AARS1: variants seen among roughly 807,000 people sequenced by gnomAD.
AARS1 encodes the protein alanyl-tRNA synthetase 1, also known as alanine--tRNA ligase, cytoplasmic.
Under a neutral mutation model 108.9 loss-of-function variants are expected in AARS1, and 72 were observed. That is an observed-to-expected ratio of 0.66 (90% CI 0.55 to 0.80). AARS1 has a LOEUF of 0.80. Ranked by LOEUF, AARS1 falls within the 30% of genes least tolerant of loss-of-function variation. The probability of loss-of-function intolerance (pLI) is 0.00; values close to 1 mark genes in which losing one functional copy is unlikely to be tolerated. For synonymous variants in AARS1, 489 were observed against 465.7 expected (o/e 1.05, Z -0.64); for missense variants, 1,193 against 1,233.2 (o/e 0.97, Z 0.49).
intron 19 of AARS1, 34 bp from the exon 20 acceptor site, chr16:70,253,415 G>A (rs1322731911): frequency 3.9e-6 from 6 of 1,526,388 alleles, no homozygotes; most frequent in South Asian, 1.1e-5. Flanking sequence ...CCACGGTGCT[G>A]GAGCAGGGAC....
At position 70,270,331 on chromosome 16, in the gene AARS1, A is replaced by C. The variant is rs1288874099; in HGVS notation, c.681T>G (p.Asp227Glu). 6.2e-7 allele frequency: 1 copy of C among 1,614,170 alleles called. No homozygotes were observed. The highest frequency in any genetic ancestry group is 8.5e-7 in the Non-Finnish European group (1 of 1,180,034). Residue 227 changes from aspartate (D) to glutamate (E), a missense_variant, in exon 6 of 21, where the codon GAT becomes GAG. Asp to Glu is a conservative substitution (Grantham distance 45). Coordinates refer to ENST00000261772, the MANE Select transcript of AARS1 (RefSeq NM_001605.3). ...TCTTGGGAAGAGGTTTCAGAATGCC[A>C]TCAGCTTCCCTGTATGATCCAGAAG... is the stretch of plus-strand genomic sequence containing the variant. ...LVFIQYNREA[D>E]GILKPLPKKS...
chr16:70,262,624 T>A, intron 11 of AARS1, 100 bp from the exon 12 acceptor site: 1 of 1,192,534 alleles, frequency 8.4e-7, no homozygotes, highest in Non-Finnish European at 1.2e-6. Flanking sequence ...AAACTCTTCT[T>A]AGCTCCTAAT....
At position 70,269,634 on chromosome 16, in the gene AARS1, C is replaced by A. The variant is rs750331983; in HGVS notation, c.946G>T (p.Asp316Tyr). 5 of 1,614,030 alleles carry A rather than the reference C, an allele frequency of 3.1e-6. No individual in the cohort carries two copies. The highest frequency in any genetic ancestry group is 4.2e-6 in the Non-Finnish European group (5 of 1,180,064). Reference sequence around the variant, plus strand: ...CATACTTACCCACGCCCTGTGTTGTCAGGCCGGCCACCATCAGCCAGTGCC... The same window carrying A: ...CATACTTACCCACGCCCTGTGTTGTAAGGCCGGCCACCATCAGCCAGTGCC... Reference protein sequence around the residue: ...TVALADGGRPDNTGRGYVLRR... With the variant: ...TVALADGGRPYNTGRGYVLRR... The change falls in exon 7 of 21, where the codon GAC (aspartate) becomes TAC (tyrosine). Residue 316 changes from aspartate (D) to tyrosine (Y), a missense_variant. Physicochemically the swap from Asp to Tyr is radical, Grantham distance 160 (BLOSUM62 -3). Transcript: ENST00000261772.
intron 15 of AARS1, 85 bp from the exon 16 acceptor site, chr16:70,255,921 G>A: frequency 7.8e-7 from 1 of 1,277,452 alleles, no homozygotes; most frequent in Non-Finnish European, 1.1e-6. Context: ...AAGAGAAGCA[G>A]GAATGGGTTG....
In AARS1 at chr16:70,264,948, A is replaced by G. The variant is rs924593914; in HGVS notation, c.1492+10T>C. The G allele has an allele frequency of 1.9e-6, 3 of 1,614,020 alleles. No homozygotes were observed. In the South Asian group the frequency reaches 3.3e-5, roughly 18 times the overall value. ...GAATGCTCAGATGTGGAAGGAGCAC[A>G]GCAACATACCATAGCTACCACTGGA... is the stretch of plus-strand genomic sequence containing the variant. On this transcript the variant is annotated intron_variant, in intron 11 of 20. Transcript: ENST00000261772.
At chr16:70,277,246 T>C in intron 2 of AARS1, 92 bp from the exon 3 acceptor site, 2 of 1,296,116 alleles carry the variant, frequency 1.5e-6, no homozygotes, top group Non-Finnish European at 1.1e-6. Flanking sequence ...ACACACTAAC[T>C]GTGCAGTTCA....
intron 2 of AARS1, among the ~76,000 whole-genome samples, chr16:70,278,586 G>A (rs1597446815): frequency 6.6e-6 from 1 of 151,374 alleles, no homozygotes; most frequent in South Asian, 2.1e-4. Context: ...AAAAGCAAGA[G>A]AGAAAGAAAA....
chr16:70,285,908 C>G (rs536132189), intron 1 of AARS1, among the ~76,000 whole-genome samples: 3 of 152,304 alleles, frequency 2.0e-5, no homozygotes, highest in Non-Finnish European at 2.9e-5. Context: ...ACAAAGTGAA[C>G]AGGAGATCCT....
chr16:70,254,582 A>C, intron 17 of AARS1, 39 bp downstream of exon 17: 1 of 1,377,798 alleles, frequency 7.3e-7, no homozygotes, highest in Non-Finnish European at 1.0e-6. Context: ...TGTTTCATGC[A>C]CCAGGCCCTG....
Position 70,270,345 on chromosome 16 carries a change from A to G in AARS1, c.672-5T>C, listed in dbSNP as rs777431545. On this transcript the variant is annotated splice_polypyrimidine_tract_variant and splice_region_variant and intron_variant, in intron 5 of 20. Transcript: ENST00000261772. ...TTCAGAATGCCATCAGCTTCCCTGTATGATCCAGAAGAAGAGGAGGTTGAA... is the reference window on the plus strand; with the variant it reads ...TTCAGAATGCCATCAGCTTCCCTGTGTGATCCAGAAGAAGAGGAGGTTGAA... 8 of 1,614,164 alleles carry G rather than the reference A, an allele frequency of 5.0e-6. No individual in the cohort carries two copies. Among genetic ancestry groups the G allele is most frequent in the Middle Eastern group, 1.6e-4 (1 of 6,062 alleles).
intron 6 of AARS1, 144 bp from the exon 7 acceptor site, chr16:70,269,907 T>G (rs1960356171): frequency 8.6e-7 from 1 of 1,157,640 alleles, no homozygotes; most frequent in South Asian, 1.2e-5. Context: ...AACGTGACAT[T>G]GGGGAAGTAG....
chr16:70,279,601 A>C (rs1038814326), intron 2 of AARS1, among the ~76,000 whole-genome samples: 2 of 148,176 alleles, frequency 1.3e-5, no homozygotes, highest in Admixed American at 1.4e-4. Flanking sequence ...CGTAGGCTGC[A>C]GTGAGCCGAG....
chr16:70,279,863 T>C (rs974448497), intron 2 of AARS1, among the ~76,000 whole-genome samples: 8 of 151,908 alleles, frequency 5.3e-5, no homozygotes, highest in African/African-American at 1.5e-4. Flanking sequence ...GGTATATGCA[T>C]AGGACTCACA....
Position 70,276,595 on chromosome 16 carries a change from G to A in AARS1, c.370C>T (p.Gln124Ter), listed in dbSNP as rs1960557616. 1.2e-6 allele frequency: 2 copies of A among 1,613,948 alleles called. No individual in the cohort carries two copies. Among genetic ancestry groups the A allele is most frequent in the African/African-American group, 1.3e-5 (1 of 74,930 alleles). ...ACKMALELLT[Q>*]EFGIPIERLY... Reference sequence around the variant, plus strand: ...CTTTCAATGGGAATGCCAAACTCTTGGGTGAGGAGTTCCAGAGCCATCTTA... The same window carrying A: ...CTTTCAATGGGAATGCCAAACTCTTAGGTGAGGAGTTCCAGAGCCATCTTA... Residue 124 changes from glutamine to a stop codon, truncating the protein, a stop_gained, in exon 4 of 21, where the codon CAA (glutamine) becomes TAA (stop). Transcript: ENST00000261772. LOFTEE classifies it high-confidence loss of function.
At position 70,269,470 on chromosome 16, in the gene AARS1, G is replaced by A. The variant is rs1314644745; in HGVS notation, c.962+148C>T. The A allele has an allele frequency of 5.1e-6, 6 of 1,165,332 alleles. No homozygotes were observed. In the South Asian group the frequency reaches 5.4e-5, roughly 11 times the overall value. The allele number at this position is 1,165,332 out of a possible 1,614,324, so 72.2% of individuals were successfully genotyped here. ...AATCACTTGAACCCAGCAGGCAGAGGTTGCAGTGAGGCAAGATCACGCCAT... is the reference window on the plus strand; with the variant it reads ...AATCACTTGAACCCAGCAGGCAGAGATTGCAGTGAGGCAAGATCACGCCAT... On this transcript the variant is annotated intron_variant, in intron 7 of 20. Transcript: ENST00000261772.
intron 5 of AARS1, among the ~76,000 whole-genome samples, chr16:70,270,730 G>A (rs915728047): frequency 4.0e-5 from 6 of 150,958 alleles, no homozygotes; most frequent in South Asian, 2.1e-4. Flanking sequence ...CCAGCTACTC[G>A]GGAGGCTGAA....
intron 13 of AARS1, among the ~76,000 whole-genome samples, chr16:70,260,477 A>G (rs960217683): frequency 6.6e-6 from 1 of 152,188 alleles, no homozygotes; most frequent in African/African-American, 2.4e-5. Context: ...CTTGGCTCCC[A>G]AAGAAGTAGG....
intron 15 of AARS1, among the ~76,000 whole-genome samples, chr16:70,257,819 C>A (rs1443440396): frequency 1.3e-5 from 2 of 152,150 alleles, no homozygotes; most frequent in African/African-American, 4.8e-5. Context: ...CCCTTTTCCT[C>A]CTGGGAATGT....
Position 70,273,951 on chromosome 16 carries a change from C to T in AARS1, c.480-1979G>A, listed in dbSNP as rs538405974. 9.4e-5 allele frequency among the ~76,000 whole-genome samples: 14 copies of T among 148,362 alleles called. No individual in the cohort carries two copies. The East Asian group carries it at 2.2e-3, about 23-fold the overall frequency. Reference sequence around the variant, plus strand: ...ACTCGGGAGGCTGAGGTGGGACGATCGCCTGAGCTCAGGCAGTAAACTATG... The same window carrying T: ...ACTCGGGAGGCTGAGGTGGGACGATTGCCTGAGCTCAGGCAGTAAACTATG... On this transcript the variant is annotated intron_variant, in intron 4 of 20. Transcript: ENST00000261772.
Sources: allele counts gnomAD v4.1 joint callset (sites outside exome capture counted in the v4.1 genomes callset), GRCh38; gene constraint gnomAD v4.1.1; transcripts MANE v1.5; gene names NCBI Gene and HGNC (gene_info 2026-07-23, HGNC 2026-07-21).